MYOCD: variants seen among roughly 807,000 people sequenced by gnomAD.
The protein encoded by MYOCD is myocardin.
Under a neutral mutation model 96.1 loss-of-function variants are expected in MYOCD, and 32 were observed. The ratio of observed to expected loss-of-function variants is 0.33; its 90% CI spans 0.25 to 0.45. The LOEUF is 0.45. Ranked by LOEUF, MYOCD falls within the 20% of genes least tolerant of loss-of-function variation. MYOCD has a pLI of 1.00. For synonymous variants in MYOCD, 469 were observed against 469.0 expected, an observed-to-expected ratio of 1.00 and a Z score of 0.00; for missense variants, 1,133 against 1,200.6, an observed-to-expected ratio of 0.94 and a Z score of 0.83.
chr17:12,705,327 G>A, intron 2 of MYOCD, 134 bp downstream of exon 2: 1 of 609,072 alleles, frequency 1.6e-6, no homozygotes, highest in Non-Finnish European at 2.9e-6. Context: ...GGTATCAGCA[G>A]AAATCCCAGA....
chr17:12,730,694 G>A (rs1031082183), intron 5 of MYOCD, among the ~76,000 whole-genome samples: 6 of 152,092 alleles, frequency 3.9e-5, no homozygotes, highest in South Asian at 2.1e-4. Context: ...TTCTGTGTAC[G>A]ACTTTCTCCC....
intron 1 of MYOCD, 34 bp downstream of exon 1, chr17:12,666,277 C>T (rs764531249): frequency 6.7e-7 from 1 of 1,484,202 alleles, no homozygotes; most frequent in Non-Finnish European, 9.4e-7. Context: ...CCTTCTTAAA[C>T]TTTCCTCTTC....
chr17:12,723,533 T>C (rs1477772251), intron 5 of MYOCD, among the ~76,000 whole-genome samples: 1 of 152,206 alleles, frequency 6.6e-6, no homozygotes, highest in Non-Finnish European at 1.5e-5. Context: ...CAGCTCTCAC[T>C]TGCTCCACGA....
chr17:12,678,551 A>G (rs1910244284), intron 1 of MYOCD, among the ~76,000 whole-genome samples: 1 of 152,184 alleles, frequency 6.6e-6, no homozygotes, highest in South Asian at 2.1e-4. Flanking sequence ...AGAGAGAGAG[A>G]GAAAACAAAG....
At chr17:12,689,434 G>T (rs1291447607) in intron 1 of MYOCD, among the ~76,000 whole-genome samples, 1 of 152,094 alleles carries the variant, frequency 6.6e-6, no homozygotes, top group Non-Finnish European at 1.5e-5. Context: ...AGGATGTAAA[G>T]AAAAAGTAGA....
intron 1 of MYOCD, among the ~76,000 whole-genome samples, chr17:12,685,162 G>T (rs2030038112): frequency 6.6e-6 from 1 of 151,778 alleles, no homozygotes; most frequent in African/African-American, 2.4e-5. Context: ...AGCCAGGCAT[G>T]GTGGCACATG....
chr17:12,762,188 G>A (rs917742612), intron 13 of MYOCD: 2 of 152,218 alleles, frequency 1.3e-5, no homozygotes, highest in African/African-American at 4.8e-5. Flanking sequence ...CATGCTCAGC[G>A]AAGGCAGATG....
At chr17:12,669,639 G>T (rs1314140970) in intron 1 of MYOCD, among the ~76,000 whole-genome samples, 2 of 151,674 alleles carry the variant, frequency 1.3e-5, no homozygotes, top group African/African-American at 4.8e-5. Context: ...TTTTTTCTGA[G>T]ACGGAGTCTC....
At chr17:12,722,643 A>G (rs1424065198) in intron 4 of MYOCD, among the ~76,000 whole-genome samples, 2 of 152,092 alleles carry the variant, frequency 1.3e-5, no homozygotes, top group Non-Finnish European at 2.9e-5. Flanking sequence ...TAACTTTTCC[A>G]TGTGCCTCTC....
chr17:12,696,299 T>G (rs759748353), intron 1 of MYOCD, among the ~76,000 whole-genome samples: 23 of 152,038 alleles, frequency 1.5e-4, no homozygotes, highest in Non-Finnish European at 2.8e-4. Flanking sequence ...ATATATCACA[T>G]TGTGTTTATC....
chr17:12,675,802 T>C (rs1213941895), intron 1 of MYOCD, among the ~76,000 whole-genome samples: 3 of 152,282 alleles, frequency 2.0e-5, no homozygotes, highest in Admixed American at 2.0e-4. Flanking sequence ...GAGGTTGCAG[T>C]GAGACGAGAT....
rs536234955 is a variant in MYOCD at position 12,753,381 on chromosome 17, T to C, written c.2058+35T>C. 8.0e-6 allele frequency: 12 copies of C among 1,508,040 alleles called. No individual in the cohort carries two copies. The Admixed American group carries it at 2.7e-4, about 34-fold the overall frequency. The allele number at this position is 1,508,040 out of a possible 1,614,324, so 93.4% of individuals were successfully genotyped here. A position where few individuals can be genotyped will look rare whatever the true frequency, so the allele number is the denominator to read the frequency against. The stretch of plus-strand genomic sequence containing the variant: ...CCTTGCGCCATGCCTGGTGCACACT[T>C]CTTTCTGGAAGTGGGTTACAAATTT... On this transcript the variant is annotated intron_variant, in intron 10 of 13. Transcript: ENST00000425538.
Position 12,739,282 on chromosome 17 carries a change from G to A in MYOCD, c.671G>A (p.Gly224Glu), listed in dbSNP as rs2032435657. 1.9e-6 allele frequency: 3 copies of A among 1,608,074 alleles called. No homozygotes were observed. Among genetic ancestry groups the A allele is most frequent in the Non-Finnish European group, 2.5e-6 (3 of 1,177,614 alleles). ...CACCAGTCAGATGCGGGGAAGCAGG[G>A]GCTTGGCCCCCCCAGCACCCCCATA... ...PSHQSDAGKQ[G>E]LGPPSTPIAV... Residue 224 changes from glycine to glutamate, a missense_variant, in exon 7 of 14, where the codon GGG (glycine) becomes GAG (glutamate). Transcript: ENST00000425538.
chr17:12,677,869 A>C (rs1910180659), intron 1 of MYOCD, among the ~76,000 whole-genome samples: 1 of 150,896 alleles, frequency 6.6e-6, no homozygotes, highest in Non-Finnish European at 1.5e-5. Flanking sequence ...TTCACTGCCC[A>C]GCTATTATCA....
In MYOCD at chr17:12,763,987, G is replaced by T; in HGVS notation, c.*343G>T. On this transcript the variant is annotated 3_prime_UTR_variant, in exon 14 of 14. Coordinates refer to ENST00000425538, the MANE Select transcript of MYOCD (RefSeq NM_001146312.3). ...CATTGTTGGGGCATAAGCTCACACTGTAAGCTTTTCTCATGAATTCACTAG... is the reference window on the plus strand; with the variant it reads ...CATTGTTGGGGCATAAGCTCACACTTTAAGCTTTTCTCATGAATTCACTAG... The T allele has an allele frequency of 5.4e-6, 1 of 184,668 alleles. No individual in the cohort carries two copies. The highest frequency in any genetic ancestry group is 1.1e-5 in the Non-Finnish European group (1 of 90,066). The allele number at this position is 184,668 out of a possible 1,614,324, so 11.4% of individuals were successfully genotyped here.
chr17:12,699,931 T>C (rs2030980242), intron 1 of MYOCD, among the ~76,000 whole-genome samples: 1 of 135,006 alleles, frequency 7.4e-6, no homozygotes, highest in Non-Finnish European at 1.5e-5. Flanking sequence ...TTTTTTGAGA[T>C]GGAGTCTTGC....
At chr17:12,683,997 T>C (rs1036413141) in intron 1 of MYOCD, among the ~76,000 whole-genome samples, 3 of 152,184 alleles carry the variant, frequency 2.0e-5, no homozygotes, top group African/African-American at 7.2e-5. Context: ...CCCTACCAAT[T>C]TGGCTACCAA....
intron 7 of MYOCD, 132 bp downstream of exon 7, chr17:12,739,460 A>G: frequency 9.7e-7 from 1 of 1,025,992 alleles, no homozygotes; most frequent in South Asian, 2.6e-5. Flanking sequence ...GGTTCAGCTC[A>G]CTAGGAGGGT....
At chr17:12,720,852 CT>C (rs1418640880) in intron 4 of MYOCD, among the ~76,000 whole-genome samples, 1 of 151,910 alleles carries the variant, frequency 6.6e-6, no homozygotes, top group Non-Finnish European at 1.5e-5. Context: ...GAAACCCCAT[CT>C]CTACTAAAAA....
Sources: gnomAD v4.1 joint callset for allele counts (sites outside exome capture counted in the v4.1 genomes callset) on GRCh38, gnomAD v4.1.1 for gene constraint, MANE v1.5 for transcripts, NCBI Gene and HGNC (gene_info 2026-07-23, HGNC 2026-07-21) for gene names.